Variants in LRRC56 observed in about 807,000 individuals in gnomAD.
LRRC56 encodes the protein leucine-rich repeat-containing protein 56.
A neutral mutation model predicts 47.8 loss-of-function variants in LRRC56; 41 were observed. That is an observed-to-expected ratio of 0.86 (90% CI 0.67 to 1.11). LRRC56 has a LOEUF of 1.11. Ranked by LOEUF, LRRC56 falls within the 50% of genes most tolerant of loss-of-function variation. The pLI, the probability that LRRC56 is intolerant of heterozygous loss-of-function variation, is 0.00. For synonymous variants in LRRC56, 387 were observed against 311.2 expected, an observed-to-expected ratio of 1.24 and a Z score of -2.56; for missense variants, 759 against 704.2, an observed-to-expected ratio of 1.08 and a Z score of -0.88.
At chr11:508,920 C>G in the LRRC56 span, among the ~76,000 whole-genome samples, 3 of 152,256 alleles carry the variant, frequency 2.0e-5, no homozygotes, top group Admixed American at 2.0e-4. Flanking sequence ...TGGTGCATGC[C>G]TGTAATCCCA....
intron 5 of LRRC56, among the ~76,000 whole-genome samples, chr11:544,345 CA>C (rs1427339493): frequency 2.6e-5 from 4 of 152,206 alleles, no homozygotes; most frequent in Non-Finnish European, 5.9e-5. Context: ...TCTTGGAGCC[CA>C]GTGGCCTCCT....
At position 554,402 on chromosome 11, in the gene LRRC56, C is replaced by A; in HGVS notation, c.*126C>A. The A allele has an allele frequency of 2.4e-6, 2 of 836,970 alleles. No homozygotes were observed. The highest frequency in any genetic ancestry group is 3.3e-6 in the Non-Finnish European group (2 of 599,796). The allele number at this position is 836,970 out of a possible 1,614,324, so 51.8% of individuals were successfully genotyped here. Reference sequence around the variant, plus strand: ...AAGGAGTGCCTGGCCCTGGGGAGGACCCTCTTGGTGGAGGGGAGTGGGGGA... The same window carrying A: ...AAGGAGTGCCTGGCCCTGGGGAGGAACCTCTTGGTGGAGGGGAGTGGGGGA... On this transcript the variant is annotated 3_prime_UTR_variant, in exon 14 of 14. Coordinates refer to ENST00000270115, the MANE Select transcript of LRRC56 (RefSeq NM_198075.4).
chr11:539,880 G>C (rs1256034652), intron 3 of LRRC56, among the ~76,000 whole-genome samples, 154 bp downstream of exon 3: 4 of 152,182 alleles, frequency 2.6e-5, no homozygotes, highest in Non-Finnish European at 4.4e-5. Flanking sequence ...GGAGGGAAGT[G>C]GGATTTGGAT....
chr11:517,585 C>A, the LRRC56 span, among the ~76,000 whole-genome samples: 4 of 151,178 alleles, frequency 2.6e-5, no homozygotes, highest in Non-Finnish European at 4.4e-5. Context: ...GGGTGAGGAG[C>A]ACCTCTGCCC....
the LRRC56 span, among the ~76,000 whole-genome samples, chr11:519,203 C>A: frequency 6.6e-6 from 1 of 152,234 alleles, no homozygotes. Context: ...GAGCCGCGCG[C>A]ATTCCTTAGA....
chr11:517,845 G>A, the LRRC56 span, among the ~76,000 whole-genome samples: 4 of 152,342 alleles, frequency 2.6e-5, no homozygotes, highest in African/African-American at 9.6e-5. Context: ...TCTGTCTTGG[G>A]ATGCTGTTAA....
chr11:552,837 C>G, intron 13 of LRRC56, 135 bp downstream of exon 13: 2 of 777,576 alleles, frequency 2.6e-6, no homozygotes, highest in Non-Finnish European at 4.0e-6. Flanking sequence ...GGGACTGTAA[C>G]AGGGAGGCCC....
chr11:532,631 C>T (rs1361126571), upstream of LRRC56: 3 of 1,610,430 alleles, frequency 1.9e-6, 1 homozygote, highest in Middle Eastern at 3.3e-4. Context: ...TCCCCCTCAC[C>T]TGCGTCAGGA....
the LRRC56 span, among the ~76,000 whole-genome samples, chr11:508,859 G>A: frequency 6.6e-6 from 1 of 150,472 alleles, no homozygotes; most frequent in Non-Finnish European, 1.5e-5. Flanking sequence ...GCCTGGCCAA[G>A]ATGATGAAAC....
At chr11:510,954 G>A in the LRRC56 span, among the ~76,000 whole-genome samples, 1 of 151,980 alleles carries the variant, frequency 6.6e-6, no homozygotes, top group African/African-American at 2.4e-5. Flanking sequence ...TTTTAACAAA[G>A]TATGAGATGT....
intron 13 of LRRC56, among the ~76,000 whole-genome samples, chr11:553,571 C>T (rs1367078380): frequency 6.6e-6 from 1 of 152,210 alleles, no homozygotes; most frequent in African/African-American, 2.4e-5. Context: ...GGGCTCCAGA[C>T]ACCGGTGGAG....
the LRRC56 span, among the ~76,000 whole-genome samples, chr11:526,744 C>T: frequency 6.6e-6 from 1 of 151,632 alleles, no homozygotes; most frequent in Admixed American, 6.6e-5. Context: ...GGAGACCAGC[C>T]TGGCCAACAT....
At chr11:533,586 G>A (rs730880462), upstream of LRRC56, 4 of 1,613,858 alleles carry the variant, frequency 2.5e-6, no homozygotes, top group South Asian at 1.1e-5. Context: ...CACGTCATCC[G>A]AGTCCTTCAC....
chr11:544,828 G>T, intron 6 of LRRC56, 48 bp downstream of exon 6: 2 of 1,521,690 alleles, frequency 1.3e-6, no homozygotes, highest in Non-Finnish European at 1.8e-6. Flanking sequence ...GAGGGGGTCC[G>T]ATGGGACAGG....
the LRRC56 span, among the ~76,000 whole-genome samples, chr11:512,575 G>A: frequency 1.5e-4 from 23 of 152,160 alleles, no homozygotes; most frequent in South Asian, 1.0e-3. Context: ...ATGGTGCGAG[G>A]AAAGGGCACC....
At position 539,635 on chromosome 11, in the gene LRRC56, A is replaced by T. The variant is rs1294856440; in HGVS notation, c.-103A>T. 1 of 148,860 alleles carries T rather than the reference A, an allele frequency of 6.7e-6. No homozygotes were observed. The highest frequency in any genetic ancestry group is 6.8e-5 in the Admixed American group (1 of 14,812). 9.2% of individuals were successfully genotyped at this position (148,860 alleles called of 1,614,324 possible). On this transcript the variant is annotated 5_prime_UTR_variant, in exon 3 of 14. The change abolishes the stop of an existing upstream ORF in the 5' untranslated region. Transcript: ENST00000270115. ...ATGGTCTCAATCTCCTGACCTCGTG[A>T]TCTGCCCGCCGCGGCCTCCCAAAGT...
chr11:554,672 G>C lies in LRRC56; in HGVS notation c.*396G>C, dbSNP rs1012142038. On this transcript the variant is annotated 3_prime_UTR_variant, in exon 14 of 14. Transcript: ENST00000270115. ...CACTCCCTTGCCGGCCCCAGGGTAA[G>C]AGCCACCTCCTAGGCCGCAGTGGCC... 2.4e-6 allele frequency: 1 copy of C among 414,708 alleles called. No homozygotes were observed. Among genetic ancestry groups the C allele is most frequent in the African/African-American group, 2.1e-5 (1 of 47,676 alleles). The allele number at this position is 414,708 out of a possible 1,614,324, so 25.7% of individuals were successfully genotyped here. A position where few individuals can be genotyped will look rare whatever the true frequency, so the allele number is the denominator to read the frequency against.
Position 541,624 on chromosome 11 carries a change from G to A in LRRC56, c.265G>A (p.Gly89Arg), listed in dbSNP as rs756708516. 1 of 1,564,118 alleles carries A rather than the reference G, an allele frequency of 6.4e-7. No individual in the cohort carries two copies. The highest frequency in any genetic ancestry group is 1.9e-5 in the Admixed American group (1 of 53,512). The change falls in exon 5 of 14, where the codon GGG (glycine) becomes AGG (arginine). Residue 89 changes from glycine to arginine, a missense_variant and splice_region_variant. Transcript: ENST00000270115. This position sits in a 1 kb window ranked among gnomAD's most constrained non-coding sequence, Gnocchi z 4.1. ...TCGTGAGGGCAGCCTGGGGAACTTT[G>A]GTGAGCCTCTTCCCACCCCGCCATG... ...DTREGSLGNF[G>R]VHLPNLDQLK...
rs1325893224 is a variant in LRRC56 at position 554,289 on chromosome 11, T to G, written c.*13T>G. On this transcript the variant is annotated 3_prime_UTR_variant, in exon 14 of 14. Transcript: ENST00000270115. ...CGTCCCCACTTAATATAGCCCCCAC[T>G]GCCAGGCTTCCCTGTGCTGGGGCCA... The G allele has an allele frequency of 1.4e-6, 2 of 1,475,524 alleles. No homozygotes were observed. Among genetic ancestry groups the G allele is most frequent in the South Asian group, 1.4e-5 (1 of 72,640 alleles). The allele number at this position is 1,475,524 out of a possible 1,614,324, so 91.4% of individuals were successfully genotyped here. A position where few individuals can be genotyped will look rare whatever the true frequency, so the allele number is the denominator to read the frequency against.
Sources: gnomAD v4.1 joint callset for allele counts (sites outside exome capture counted in the v4.1 genomes callset) on GRCh38, gnomAD v4.1.1 for gene constraint, Gnocchi (gnomAD v3.1) non-coding constraint, MANE v1.5 for transcripts, NCBI Gene and HGNC (gene_info 2026-07-23, HGNC 2026-07-21) for gene names.